WDR70: variants seen among roughly 807,000 people sequenced by gnomAD.
WDR70 encodes WD repeat-containing protein 70.
A neutral mutation model predicts 88.6 loss-of-function variants in WDR70; 53 were observed. That is an observed-to-expected ratio of 0.60 (90% confidence interval 0.48 to 0.75). The LOEUF (loss-of-function observed/expected upper bound fraction) is 0.75. Among genes scored for constraint, WDR70 ranks in the 30% least tolerant of loss-of-function variants. WDR70 has a pLI of 0.00. For synonymous variants in WDR70, 280 were observed against 270.0 expected (o/e 1.04, Z -0.36); for missense variants, 610 against 823.2 (o/e 0.74, Z 3.17).
chr5:37,447,720 A>G (rs1046286112), intron 7 of WDR70, among the ~76,000 whole-genome samples: 7 of 152,186 alleles, frequency 4.6e-5, no homozygotes, highest in African/African-American at 1.7e-4. Flanking sequence ...TCTCACTCGT[A>G]GGTGGGAATT....
chr5:37,456,242 A>C (rs761005312), intron 7 of WDR70, among the ~76,000 whole-genome samples: 1 of 152,206 alleles, frequency 6.6e-6, no homozygotes, highest in African/African-American at 2.4e-5. Flanking sequence ...TAGTTACTTC[A>C]TATCCTTACC....
chr5:37,591,616 G>GA (rs1743533332), intron 9 of WDR70, among the ~76,000 whole-genome samples: 2 of 152,020 alleles, frequency 1.3e-5, no homozygotes, highest in Non-Finnish European at 1.5e-5. Flanking sequence ...CTTTAAGAAA[G>GA]AAAAAATTCC....
chr5:37,645,087 T>G (rs2112548891), intron 10 of WDR70, among the ~76,000 whole-genome samples: 1 of 152,148 alleles, frequency 6.6e-6, no homozygotes, highest in South Asian at 2.1e-4. Context: ...ATTTGAAGTT[T>G]TCTTTTTTGA....
intron 10 of WDR70, among the ~76,000 whole-genome samples, chr5:37,688,741 C>G (rs959809560): frequency 1.8e-5 from 2 of 112,126 alleles, no homozygotes; most frequent in Non-Finnish European, 2.1e-5. Flanking sequence ...AGGAACAGCT[C>G]TGGTCTGCAG....
chr5:37,610,976 A>C (rs904204182), intron 10 of WDR70, among the ~76,000 whole-genome samples: 5 of 152,162 alleles, frequency 3.3e-5, no homozygotes, highest in Non-Finnish European at 7.3e-5. Context: ...ATCACCAGCA[A>C]GCTAATTTGA....
intron 10 of WDR70, among the ~76,000 whole-genome samples, chr5:37,623,726 T>G (rs1350020502): frequency 6.6e-6 from 1 of 152,118 alleles, no homozygotes; most frequent in Non-Finnish European, 1.5e-5. Flanking sequence ...AAACTTCAGT[T>G]TCCTCATCTG....
intron 15 of WDR70, chr5:37,724,445 C>T (rs1205887812): frequency 6.5e-6 from 1 of 152,948 alleles, no homozygotes; most frequent in African/African-American, 2.4e-5. Flanking sequence ...AAGTGTTCCT[C>T]CCTTCCGGTT....
intron 7 of WDR70, among the ~76,000 whole-genome samples, chr5:37,454,585 CTGGAAATCAGAA>C (rs1738777262): frequency 6.6e-6 from 1 of 152,102 alleles, no homozygotes; most frequent in Non-Finnish European, 1.5e-5. Context: ...ATTTCTGTTA[CTGGAAATCAGAA>C]TGGATGAGTC....
At chr5:37,433,350 C>T (rs912318747) in intron 5 of WDR70, among the ~76,000 whole-genome samples, 5 of 152,140 alleles carry the variant, frequency 3.3e-5, no homozygotes, top group Admixed American at 2.0e-4. Context: ...CATGAGCCAC[C>T]GTGCCTGGCC....
At chr5:37,385,585 G>A (rs1320147998) in intron 3 of WDR70, among the ~76,000 whole-genome samples, 2 of 72,090 alleles carry the variant, frequency 2.8e-5, no homozygotes, top group African/African-American at 5.3e-5. Context: ...GAGATTGGTG[G>A]GTGGGGATGA....
At chr5:37,566,145 C>T (rs1199322069) in intron 9 of WDR70, among the ~76,000 whole-genome samples, 1 of 151,990 alleles carries the variant, frequency 6.6e-6, no homozygotes, top group East Asian at 1.9e-4. Context: ...TCTGTAGCAA[C>T]CACTAATTTA....
intron 5 of WDR70, among the ~76,000 whole-genome samples, chr5:37,399,877 G>T (rs77466847): frequency 6.6e-6 from 1 of 151,942 alleles, no homozygotes; most frequent in Non-Finnish European, 1.5e-5. Context: ...CAGATAACTG[G>T]GAGTTCTCCA....
intron 7 of WDR70, among the ~76,000 whole-genome samples, chr5:37,476,733 G>A (rs1739497697): frequency 6.6e-6 from 1 of 152,088 alleles, no homozygotes; most frequent in Admixed American, 6.6e-5. Context: ...TGTATTTTTA[G>A]TAGAGACGGG....
intron 5 of WDR70, among the ~76,000 whole-genome samples, chr5:37,428,224 A>C (rs538523098): frequency 2.0e-5 from 3 of 152,312 alleles, no homozygotes; most frequent in African/African-American, 7.2e-5. Context: ...AAAAATAACC[A>C]GTTTTGCTTT....
At chr5:37,586,353 G>A (rs1454485351) in intron 9 of WDR70, among the ~76,000 whole-genome samples, 2 of 152,076 alleles carry the variant, frequency 1.3e-5, no homozygotes, top group Admixed American at 6.6e-5. Context: ...TCCTGTGAAG[G>A]CCTTTCAGTC....
chr5:37,454,272 A>G (rs937638018), intron 7 of WDR70, among the ~76,000 whole-genome samples: 2 of 152,174 alleles, frequency 1.3e-5, no homozygotes, highest in African/African-American at 4.8e-5. Flanking sequence ...TCTGCACTGT[A>G]AGTGATACCT....
chr5:37,714,326 A>G (rs1747595548), intron 13 of WDR70, among the ~76,000 whole-genome samples: 1 of 152,208 alleles, frequency 6.6e-6, no homozygotes, highest in Non-Finnish European at 1.5e-5. Flanking sequence ...ATCTCTGTTG[A>G]TAAATGAAGA....
intron 8 of WDR70, among the ~76,000 whole-genome samples, chr5:37,486,187 G>A (rs1378474293): frequency 2.0e-5 from 3 of 152,022 alleles, no homozygotes; most frequent in Admixed American, 6.6e-5. Context: ...TGCTGTAGAT[G>A]AGCCATTGGA....
At chr5:37,718,609 A>G (rs569557134) in intron 13 of WDR70, among the ~76,000 whole-genome samples, 2 of 152,330 alleles carry the variant, frequency 1.3e-5, no homozygotes, top group South Asian at 4.2e-4. Context: ...GGACCACATT[A>G]GGAGGAATCT....
Sources: allele counts gnomAD v4.1 joint callset (sites outside exome capture counted in the v4.1 genomes callset), GRCh38; gene constraint gnomAD v4.1.1; transcripts MANE v1.5; gene names NCBI Gene and HGNC (gene_info 2026-07-23, HGNC 2026-07-21).